The following FHIT variants were observed in gnomAD, a reference collection of about 807,000 sequenced individuals.
FHIT encodes the protein bis(5'-adenosyl)-triphosphatase.
In FHIT, 19 loss-of-function variants were observed where a neutral mutation model predicts 17.9. The ratio of observed to expected loss-of-function variants is 1.06; its 90% CI spans 0.74 to 1.56. FHIT has a LOEUF of 1.56. FHIT is among the 40% of genes most tolerant of loss of function. FHIT has a pLI of 0.00. For synonymous variants in FHIT, 81 were observed against 69.7 expected, an observed-to-expected ratio of 1.16 and a Z score of -0.81; for missense variants, 248 against 189.2, an observed-to-expected ratio of 1.31 and a Z score of -1.82.
chr3:60,830,788 G>A (rs782181174), intron 3 of FHIT, among the ~76,000 whole-genome samples: 1 of 152,126 alleles, frequency 6.6e-6, no homozygotes, highest in Non-Finnish European at 1.5e-5. Context: ...GCAAAGTAGA[G>A]ATCTGCCTTG....
chr3:59,857,672 C>T (rs141825259), intron 8 of FHIT, among the ~76,000 whole-genome samples: 202 of 145,074 alleles, frequency 1.4e-3, no homozygotes, highest in African/African-American at 5.2e-3. Context: ...TACAGAGTGA[C>T]GTCACTTATG....
At chr3:60,460,910 T>C (rs1196441029) in intron 5 of FHIT, among the ~76,000 whole-genome samples, 1 of 152,218 alleles carries the variant, frequency 6.6e-6, no homozygotes, top group African/African-American at 2.4e-5. Context: ...CTTAAGTACG[T>C]ACAAATTTAA....
intron 7 of FHIT, among the ~76,000 whole-genome samples, chr3:60,006,461 A>T (rs1287214608): frequency 6.6e-6 from 1 of 152,152 alleles, no homozygotes; most frequent in Non-Finnish European, 1.5e-5. Context: ...GATTGAGATT[A>T]ACGTTAAGAA....
At chr3:59,998,186 C>T (rs1481406405) in intron 7 of FHIT, among the ~76,000 whole-genome samples, 1 of 152,080 alleles carries the variant, frequency 6.6e-6, no homozygotes, top group Non-Finnish European at 1.5e-5. Context: ...AAAATCTAGC[C>T]ACCGGTGTGC....
At chr3:60,802,761 T>A (rs1023145973) in intron 4 of FHIT, among the ~76,000 whole-genome samples, 4 of 96,638 alleles carry the variant, frequency 4.1e-5, no homozygotes, top group Admixed American at 2.3e-4. Flanking sequence ...CAGCATCAAA[T>A]AAACAGGCTT....
intron 8 of FHIT, among the ~76,000 whole-genome samples, chr3:59,894,521 C>T (rs949216629): frequency 4.7e-4 from 71 of 152,010 alleles, no homozygotes; most frequent in African/African-American, 1.6e-3. Flanking sequence ...TCAGAATCTG[C>T]TCCTCAACTC....
chr3:61,036,913 T>G (rs60483099), intron 3 of FHIT, among the ~76,000 whole-genome samples: 16 of 120,880 alleles, frequency 1.3e-4, no homozygotes, highest in African/African-American at 4.3e-4. Flanking sequence ...TTTTTTTTTT[T>G]GTTTGTTTGT....
At chr3:60,815,984 C>A (rs1226328403) in intron 4 of FHIT, among the ~76,000 whole-genome samples, 4 of 151,726 alleles carry the variant, frequency 2.6e-5, no homozygotes, top group Admixed American at 2.6e-4. Flanking sequence ...ATTTTATATA[C>A]TTCTATTTTT....
intron 4 of FHIT, chr3:60,553,405 G>C: frequency 1.0e-6 from 1 of 972,734 alleles, no homozygotes. Context: ...TTGATCCGAC[G>C]GAGACCTTTT....
intron 8 of FHIT, among the ~76,000 whole-genome samples, chr3:59,843,057 G>C (rs1213493068): frequency 6.6e-6 from 1 of 152,042 alleles, no homozygotes; most frequent in East Asian, 1.9e-4. Context: ...AGTTAGGTCG[G>C]AGACTCATTT....
At chr3:60,196,806 A>G (rs1386641309) in intron 5 of FHIT, among the ~76,000 whole-genome samples, 1 of 150,314 alleles carries the variant, frequency 6.7e-6, no homozygotes, top group Non-Finnish European at 1.5e-5. Context: ...TATACATACT[A>G]TGATAGTAAA....
chr3:60,713,076 T>C (rs2041583846), intron 4 of FHIT, among the ~76,000 whole-genome samples: 1 of 151,980 alleles, frequency 6.6e-6, no homozygotes, highest in African/African-American at 2.4e-5. Flanking sequence ...TAACAAACTG[T>C]CTCTCAGACC....
intron 4 of FHIT, among the ~76,000 whole-genome samples, chr3:60,656,312 A>C (rs1339287453): frequency 6.6e-6 from 1 of 152,168 alleles, no homozygotes; most frequent in Non-Finnish European, 1.5e-5. Flanking sequence ...AATGCAAATC[A>C]TCATTTTGTG....
At chr3:60,112,126 C>A (rs1274680272) in intron 5 of FHIT, among the ~76,000 whole-genome samples, 2 of 152,144 alleles carry the variant, frequency 1.3e-5, no homozygotes, top group African/African-American at 4.8e-5. Flanking sequence ...GGTTCAAGTA[C>A]AAGAATCAGA....
In FHIT at chr3:60,823,159, T is replaced by C. The variant is rs556434116; in HGVS notation, c.-110-1148A>G. On this transcript the variant is annotated intron_variant, in intron 3 of 9. Coordinates refer to ENST00000492590, the MANE Select transcript of FHIT (RefSeq NM_002012.4). The stretch of plus-strand genomic sequence containing the variant: ...ATAATAGTCCAAGATCAGGCCATCA[T>C]GCTGCCTACCTTCTGGTAGAGGAGA... Among the ~76,000 whole-genome samples, 3 of 152,270 alleles carry C rather than the reference T, an allele frequency of 2.0e-5. No homozygotes were observed. In the South Asian group the frequency reaches 6.2e-4, roughly 32 times the overall value.
At chr3:61,189,795 C>G (rs1343060039) in intron 2 of FHIT, among the ~76,000 whole-genome samples, 2 of 151,842 alleles carry the variant, frequency 1.3e-5, no homozygotes, top group East Asian at 1.9e-4. Context: ...CTACAACTAT[C>G]TGATCTTTGA....
intron 5 of FHIT, among the ~76,000 whole-genome samples, chr3:60,093,821 G>C (rs576306221): frequency 1.3e-5 from 2 of 152,322 alleles, no homozygotes; most frequent in Middle Eastern, 3.4e-3. Context: ...GGGTCTGTGG[G>C]AAAATTGTCT....
chr3:60,880,651 G>C (rs1348010376), intron 3 of FHIT, among the ~76,000 whole-genome samples: 2 of 152,212 alleles, frequency 1.3e-5, no homozygotes, highest in Non-Finnish European at 2.9e-5. Flanking sequence ...AGAATCACTT[G>C]TACCCAGGAG....
chr3:60,867,945 C>T (rs1172645680), intron 3 of FHIT, among the ~76,000 whole-genome samples: 1 of 152,070 alleles, frequency 6.6e-6, no homozygotes, highest in African/African-American at 2.4e-5. Context: ...AACAGAGATT[C>T]CCAAAGATGG....
Sources: allele counts gnomAD v4.1 joint callset (sites outside exome capture counted in the v4.1 genomes callset), GRCh38; gene constraint gnomAD v4.1.1; transcripts MANE v1.5; gene names NCBI Gene and HGNC (gene_info 2026-07-23, HGNC 2026-07-21).